The following PFKFB3 variants were observed in gnomAD, a reference collection of about 807,000 sequenced individuals.
PFKFB3 encodes 6-phosphofructo-2-kinase/fructose-2,6-bisphosphatase 3.
Under a neutral mutation model 68.0 loss-of-function variants are expected in PFKFB3, and 33 were observed. The ratio of observed to expected loss-of-function variants is 0.49; its 90% CI spans 0.37 to 0.65. The LOEUF (loss-of-function observed/expected upper bound fraction) is 0.65. Among genes scored for constraint, PFKFB3 ranks in the 30% least tolerant of loss-of-function variants. The pLI, the probability that PFKFB3 is intolerant of heterozygous loss-of-function variation, is 0.00. For synonymous variants in PFKFB3, 315 were observed against 288.2 expected (o/e 1.09, Z -0.94); for missense variants, 586 against 712.2 (o/e 0.82, Z 2.02).
At chr10:6,204,461 C>T (rs56222692) in intron 1 of PFKFB3, among the ~76,000 whole-genome samples, 24,825 of 152,300 alleles carry the variant, frequency 0.16, 2,711 homozygotes, top group Non-Finnish European at 0.25. Context: ...GGCAGCTCTC[C>T]TGGAGCCCTG....
intron 6 of PFKFB3, among the ~76,000 whole-genome samples, chr10:6,218,729 G>A (rs1844757396): frequency 6.6e-6 from 1 of 152,100 alleles, no homozygotes; most frequent in Non-Finnish European, 1.5e-5. Flanking sequence ...CACTGCATCC[G>A]GCCATTTTAG....
chr10:6,246,443 A>G (rs1176323807), intron 14 of PFKFB3, among the ~76,000 whole-genome samples: 1 of 151,292 alleles, frequency 6.6e-6, no homozygotes, highest in Non-Finnish European at 1.5e-5. Flanking sequence ...GGTTCAAGCA[A>G]TTCTTCCTGC....
chr10:6,215,944 C>T lies in PFKFB3; in HGVS notation c.300-181C>T, dbSNP rs576576833. Among the ~76,000 whole-genome samples, 883 of 152,282 alleles carry T rather than the reference C, an allele frequency of 5.8e-3. 11 individuals are homozygous for T. The highest frequency in any genetic ancestry group is 0.027 in the Middle Eastern group (8 of 294). Reference sequence around the variant, plus strand: ...CCTCCCGAGGGTTCCTGAGGCCACCCGTGTGGGGCCCCAGGTTGGAAGCCT... The same window carrying T: ...CCTCCCGAGGGTTCCTGAGGCCACCTGTGTGGGGCCCCAGGTTGGAAGCCT... On this transcript the variant is annotated intron_variant, in intron 3 of 14. Coordinates refer to ENST00000379775, the MANE Select transcript of PFKFB3 (RefSeq NM_004566.4). This position sits in a 1 kb window ranked among gnomAD's most constrained non-coding sequence, Gnocchi z 4.3.
the PFKFB3 span, among the ~76,000 whole-genome samples, chr10:6,285,421 C>A: frequency 1.3e-5 from 2 of 151,854 alleles, no homozygotes; most frequent in African/African-American, 4.8e-5. Flanking sequence ...TTAGTAGAGA[C>A]GGGGTTTTAC....
At chr10:6,219,782 T>C in intron 7 of PFKFB3, 89 bp downstream of exon 7, 1 of 1,458,236 alleles carries the variant, frequency 6.9e-7, no homozygotes, top group Non-Finnish European at 9.3e-7. Flanking sequence ...TGCTCCTGGA[T>C]ACCTTTAAAA....
the PFKFB3 span, among the ~76,000 whole-genome samples, chr10:6,265,419 A>G: frequency 6.6e-6 from 1 of 152,066 alleles, no homozygotes; most frequent in East Asian, 1.9e-4. Context: ...GTTTTTCATG[A>G]TATTGACAAT....
the PFKFB3 span, among the ~76,000 whole-genome samples, chr10:6,300,489 T>C: frequency 6.6e-6 from 1 of 152,226 alleles, no homozygotes; most frequent in African/African-American, 2.4e-5. Context: ...TCTGTGCCTA[T>C]GCAACCTTTA....
chr10:6,226,180 T>C lies in PFKFB3; in HGVS notation c.1342-12T>C. ...CTGTCGCCTTTCTCTCTTTTGTCTT[T>C]GTCTTGCTTAGGATGCAAAGAAGGG... is the stretch of plus-strand genomic sequence containing the variant. On this transcript the variant is annotated splice_polypyrimidine_tract_variant and intron_variant, in intron 13 of 14. Coordinates refer to ENST00000379775, the MANE Select transcript of PFKFB3 (RefSeq NM_004566.4). 2 of 1,553,854 alleles carry C rather than the reference T, an allele frequency of 1.3e-6. No homozygotes were observed. Among genetic ancestry groups the C allele is most frequent in the South Asian group, 1.2e-5 (1 of 84,770 alleles).
chr10:6,183,138 G>T (rs1440499444), intron 1 of PFKFB3, among the ~76,000 whole-genome samples: 1 of 152,092 alleles, frequency 6.6e-6, no homozygotes, highest in Non-Finnish European at 1.5e-5. Flanking sequence ...GTAGTTTAGG[G>T]TCCTAAGAAT....
At chr10:6,248,909 C>T (rs1846317547) in intron 14 of PFKFB3, among the ~76,000 whole-genome samples, 1 of 151,862 alleles carries the variant, frequency 6.6e-6, no homozygotes, top group Non-Finnish European at 1.5e-5. Flanking sequence ...AACAGTGGCT[C>T]ACGCCTGTAA....
intron 1 of PFKFB3, among the ~76,000 whole-genome samples, chr10:6,179,995 C>T (rs1453782554): frequency 2.6e-5 from 4 of 152,110 alleles, no homozygotes; most frequent in Admixed American, 2.0e-4. Context: ...TAGTCGGGTC[C>T]TGAGTCGAGT....
chr10:6,172,591 GTGGGAGGAT>G (rs1842346196), intron 1 of PFKFB3, among the ~76,000 whole-genome samples: 1 of 152,220 alleles, frequency 6.6e-6, no homozygotes, highest in African/African-American at 2.4e-5. Context: ...CAAATGGCAA[GTGGGAGGAT>G]TGTTTGAGCC....
the PFKFB3 span, among the ~76,000 whole-genome samples, chr10:6,308,049 C>T: frequency 6.6e-6 from 1 of 152,200 alleles, no homozygotes; most frequent in East Asian, 1.9e-4. Context: ...TCATATGGGA[C>T]TTCATAGCCT....
the PFKFB3 span, among the ~76,000 whole-genome samples, chr10:6,284,654 A>G: frequency 2.0e-5 from 3 of 152,220 alleles, no homozygotes; most frequent in Admixed American, 2.0e-4. Context: ...AGGAATATTC[A>G]TAGTGTTTGC....
chr10:6,157,878 T>C (rs1207067432), intron 1 of PFKFB3, among the ~76,000 whole-genome samples: 1 of 152,152 alleles, frequency 6.6e-6, no homozygotes, highest in African/African-American at 2.4e-5. Flanking sequence ...CAATCCACGT[T>C]ATGGAAAAAC....
Position 6,219,116 on chromosome 10 carries a change from G to C in PFKFB3, c.499-453G>C, listed in dbSNP as rs920584379. On this transcript the variant is annotated intron_variant, in intron 6 of 14. Coordinates refer to ENST00000379775, the MANE Select transcript of PFKFB3 (RefSeq NM_004566.4). ...ACACTGGGGCTGCCTCAGGCAGTGGGGGGTGGAGGAGAAACCACACAAGGC... is the reference window on the plus strand; with the variant it reads ...ACACTGGGGCTGCCTCAGGCAGTGGCGGGTGGAGGAGAAACCACACAAGGC... 7.9e-5 allele frequency among the ~76,000 whole-genome samples: 12 copies of C among 152,338 alleles called. No homozygotes were observed. In the South Asian group the frequency reaches 1.0e-3, roughly 13 times the overall value.
intron 1 of PFKFB3, among the ~76,000 whole-genome samples, chr10:6,181,334 TCAG>T (rs60888640): frequency 0.35 from 53,454 of 151,834 alleles, 9,768 homozygotes; most frequent in East Asian, 0.61. Flanking sequence ...CATGTTTATA[TCAG>T]CATTATTCAC....
At chr10:6,278,339 G>T in the PFKFB3 span, among the ~76,000 whole-genome samples, 36 of 151,352 alleles carry the variant, frequency 2.4e-4, no homozygotes, top group South Asian at 7.1e-3. Flanking sequence ...GCAGTGGCAC[G>T]ATCTTGGGTC....
chr10:6,199,427 A>G (rs114623395), upstream of PFKFB3, among the ~76,000 whole-genome samples: 1,060 of 151,932 alleles, frequency 7.0e-3, 14 homozygotes, highest in African/African-American at 0.024. Context: ...CTGTCCTCTC[A>G]AGGCTGGACC....
Sources: gnomAD v4.1 joint callset for allele counts (sites outside exome capture counted in the v4.1 genomes callset) on GRCh38, gnomAD v4.1.1 for gene constraint, Gnocchi (gnomAD v3.1) non-coding constraint, MANE v1.5 for transcripts, NCBI Gene and HGNC (gene_info 2026-07-23, HGNC 2026-07-21) for gene names.